Variants in CDYL observed in about 807,000 individuals in gnomAD.
CDYL encodes the protein chromodomain Y-like protein.
CDYL carries 8 observed loss-of-function variants against 47.3 expected under a neutral mutation model. The observed-to-expected ratio is 0.17, with a 90% CI of 0.10 to 0.31. The LOEUF is 0.31. Among genes scored for constraint, CDYL ranks in the 10% least tolerant of loss-of-function variants. CDYL has a pLI of 1.00. For missense variants in CDYL, 471 were observed against 701.4 expected (o/e 0.67, Z 3.71); for synonymous variants, 266 against 265.0 (o/e 1.00, Z -0.04).
chr6:4,756,484 A>G (rs1758075643), intron 3 of CDYL, among the ~76,000 whole-genome samples: 1 of 151,970 alleles, frequency 6.6e-6, no homozygotes, highest in Non-Finnish European at 1.5e-5. Flanking sequence ...ACTTTCCTCT[A>G]AAGTTTACCT....
chr6:4,941,780 G>T (rs1053216388), intron 4 of CDYL, among the ~76,000 whole-genome samples: 2 of 152,004 alleles, frequency 1.3e-5, no homozygotes, highest in Non-Finnish European at 2.9e-5. Context: ...CCTTGACTTT[G>T]ATCATCGCTT....
At chr6:4,724,352 GTC>G (rs1259212954) in intron 2 of CDYL, 1 of 152,178 alleles carries the variant, frequency 6.6e-6, no homozygotes, top group East Asian at 1.9e-4. Context: ...TGCCGAGCCT[GTC>G]CCCTCTTTAT....
chr6:4,916,610 G>C (rs1047876032), intron 2 of CDYL, among the ~76,000 whole-genome samples: 34 of 152,170 alleles, frequency 2.2e-4, no homozygotes, highest in Admixed American at 9.2e-4. Flanking sequence ...ATGTATCGGG[G>C]GGGGGCGGGC....
At chr6:4,715,846 G>A in exon 2 of CDYL, 1 of 1,614,148 alleles carries the variant, frequency 6.2e-7, no homozygotes. Context: ...CAATACGAGG[G>A]CCCAACCCAA....
At chr6:4,864,254 C>T (rs1581221070) in intron 1 of CDYL, among the ~76,000 whole-genome samples, 1 of 152,076 alleles carries the variant, frequency 6.6e-6, no homozygotes, top group African/African-American at 2.4e-5. Context: ...AGATATTCTT[C>T]AAAAAGAAAG....
At chr6:4,945,727 CTG>C (rs1335764118) in intron 5 of CDYL, among the ~76,000 whole-genome samples, 1 of 152,254 alleles carries the variant, frequency 6.6e-6, no homozygotes. Flanking sequence ...CACCTCCAAA[CTG>C]GCACCTCTCA....
chr6:4,845,804 A>G (rs954509016), intron 1 of CDYL, among the ~76,000 whole-genome samples: 3 of 152,184 alleles, frequency 2.0e-5, no homozygotes, highest in Non-Finnish European at 2.9e-5. Context: ...AAACGTAAAA[A>G]CCATTCTTAC....
chr6:4,898,383 A>C (rs772838590), intron 2 of CDYL, among the ~76,000 whole-genome samples: 1 of 152,234 alleles, frequency 6.6e-6, no homozygotes, highest in Admixed American at 6.5e-5. Flanking sequence ...GGGTTTGATC[A>C]AGAAAGATTT....
At chr6:4,905,683 A>G (rs1757214329) in intron 2 of CDYL, among the ~76,000 whole-genome samples, 1 of 152,260 alleles carries the variant, frequency 6.6e-6, no homozygotes, top group African/African-American at 2.4e-5. Context: ...CGCCCCCAGC[A>G]CTGGCTTTCT....
chr6:4,734,830 C>T (rs965102780), exon 3 of CDYL: 2 of 1,614,122 alleles, frequency 1.2e-6, no homozygotes, highest in Non-Finnish European at 1.7e-6. Flanking sequence ...GGCACAGCAG[C>T]CTCCCGCTTT....
chr6:4,782,436 T>A (rs1758641814), intron 1 of CDYL, among the ~76,000 whole-genome samples: 1 of 152,190 alleles, frequency 6.6e-6, no homozygotes, highest in African/African-American at 2.4e-5. Context: ...CTAAGCATTA[T>A]GCCTCTTGCT....
chr6:4,776,742 GC>G lies in CDYL; in HGVS notation c.-38del. 2 of 719,062 alleles carry G rather than the reference GC, an allele frequency of 2.8e-6. No individual in the cohort carries two copies. 44.5% of individuals were successfully genotyped at this position (719,062 alleles called of 1,614,324 possible). ...TGTCGGCCGCCCGGCGCCGGCGCCC[GC>G]CCCGACCCTGCCCCTCCCGCCCGCA... is the stretch of plus-strand genomic sequence containing the variant. On this transcript the variant is annotated 5_prime_UTR_variant, in exon 1 of 7. Coordinates refer to ENST00000397588, the MANE Select transcript of CDYL (RefSeq NM_004824.4).
At chr6:4,821,293 A>G (rs890937531) in intron 1 of CDYL, among the ~76,000 whole-genome samples, 2 of 88,976 alleles carry the variant, frequency 2.2e-5, no homozygotes, top group Non-Finnish European at 3.8e-5. Context: ...TTTTTTTGAG[A>G]CGGAGTCTCA....
At chr6:4,898,263 C>T (rs1478120147) in intron 2 of CDYL, among the ~76,000 whole-genome samples, 2 of 152,160 alleles carry the variant, frequency 1.3e-5, no homozygotes, top group Non-Finnish European at 2.9e-5. Context: ...CCCAGACCAG[C>T]GCCCAGAGGT....
intron 3 of CDYL, among the ~76,000 whole-genome samples, chr6:4,768,594 TTAA>T (rs1251094921): frequency 6.6e-6 from 1 of 151,758 alleles, no homozygotes; most frequent in African/African-American, 2.4e-5. Flanking sequence ...AATGAATAAA[TTAA>T]TAAGTGGGGG....
chr6:4,780,398 G>GCCC (rs1212971467), intron 1 of CDYL, among the ~76,000 whole-genome samples: 2 of 12,384 alleles, frequency 1.6e-4, no homozygotes, highest in Non-Finnish European at 2.0e-4. Context: ...CCCCGCCTAC[G>GCCC]CCCCCCCCCC....
At chr6:4,864,602 A>G (rs1761267191) in intron 1 of CDYL, among the ~76,000 whole-genome samples, 1 of 152,152 alleles carries the variant, frequency 6.6e-6, no homozygotes. Flanking sequence ...GCAAGGGGGT[A>G]ATTGAATCAT....
chr6:4,833,811 C>T (rs1284943521), intron 1 of CDYL, among the ~76,000 whole-genome samples: 2 of 151,620 alleles, frequency 1.3e-5, no homozygotes, highest in African/African-American at 2.4e-5. Context: ...TGAATTGATC[C>T]CTTTACCATT....
At chr6:4,759,249 G>A (rs1035353760) in intron 3 of CDYL, among the ~76,000 whole-genome samples, 4 of 152,116 alleles carry the variant, frequency 2.6e-5, no homozygotes, top group Non-Finnish European at 5.9e-5. Flanking sequence ...GATTACAGGC[G>A]TGAGCCACCG....
Sources: gnomAD v4.1 joint callset for allele counts (sites outside exome capture counted in the v4.1 genomes callset) on GRCh38, gnomAD v4.1.1 for gene constraint, MANE v1.5 for transcripts, NCBI Gene and HGNC (gene_info 2026-07-23, HGNC 2026-07-21) for gene names.